STXBP4: variants seen among roughly 807,000 people sequenced by gnomAD.
STXBP4 encodes syntaxin-binding protein 4.
STXBP4 carries 55 observed loss-of-function variants against 76.1 expected under a neutral mutation model. The observed-to-expected ratio is 0.72, with a 90% CI of 0.58 to 0.91. The LOEUF (loss-of-function observed/expected upper bound fraction) is 0.91, where lower values mean the gene tolerates loss of function less well. STXBP4 is among the 40% of genes least tolerant of loss of function. The pLI, the probability that STXBP4 is intolerant of heterozygous loss-of-function variation, is 0.00. For missense variants in STXBP4, 618 were observed against 636.9 expected, an observed-to-expected ratio of 0.97 and a Z score of 0.32; for synonymous variants, 201 against 220.2, an observed-to-expected ratio of 0.91 and a Z score of 0.77.
rs1410978760 is a variant in STXBP4, at chr17:55,000,944, T to C, written c.574+61T>C. Reference sequence around the variant, plus strand: ...ATTTCAATTCTCTCTCAATGAGGAGTGTGTAATGTGACTTAAGACTTTGAA... The same window carrying C: ...ATTTCAATTCTCTCTCAATGAGGAGCGTGTAATGTGACTTAAGACTTTGAA... On this transcript the variant is annotated intron_variant, in intron 7 of 17. Coordinates refer to ENST00000376352, the MANE Select transcript of STXBP4 (RefSeq NM_178509.6). The C allele has an allele frequency of 7.9e-6, 9 of 1,140,132 alleles. No individual in the cohort carries two copies. In the Admixed American group the frequency reaches 1.6e-4, roughly 20 times the overall value. The allele number at this position is 1,140,132 out of a possible 1,614,324, so 70.6% of individuals were successfully genotyped here.
intron 12 of STXBP4, among the ~76,000 whole-genome samples, chr17:55,058,690 T>C (rs892043286): frequency 6.6e-6 from 1 of 152,174 alleles, no homozygotes; most frequent in South Asian, 2.1e-4. Context: ...GTTCTTATAG[T>C]CGATGGGCAT....
intron 16 of STXBP4, among the ~76,000 whole-genome samples, chr17:55,105,638 A>T (rs1210004159): frequency 1.1e-4 from 16 of 141,446 alleles, no homozygotes; most frequent in South Asian, 4.5e-4. Context: ...CCCAGCTAAT[A>T]TTTTTTTTTT....
chr17:55,124,881 C>G (rs547663970), intron 16 of STXBP4, among the ~76,000 whole-genome samples: 72 of 152,292 alleles, frequency 4.7e-4, no homozygotes, highest in Admixed American at 1.8e-3. Flanking sequence ...CATGACCCTT[C>G]TTTGTACATG....
chr17:55,018,007 G>A (rs1327240032), intron 8 of STXBP4, among the ~76,000 whole-genome samples: 10 of 152,226 alleles, frequency 6.6e-5, no homozygotes, highest in African/African-American at 2.2e-4. Context: ...GTTACTGGGG[G>A]TCCTTGCTCC....
the STXBP4 span, among the ~76,000 whole-genome samples, chr17:55,178,912 A>G: frequency 6.6e-6 from 1 of 152,214 alleles, no homozygotes; most frequent in Admixed American, 6.5e-5. Context: ...TATCCATTCA[A>G]ATATTAATCT....
At chr17:55,024,956 T>G (rs2078385089) in intron 8 of STXBP4, among the ~76,000 whole-genome samples, 1 of 151,560 alleles carries the variant, frequency 6.6e-6, no homozygotes, top group South Asian at 2.1e-4. Context: ...GCTAACACAG[T>G]GAAACCCCAT....
At chr17:55,020,881 G>T (rs1429746863) in intron 8 of STXBP4, among the ~76,000 whole-genome samples, 1 of 152,010 alleles carries the variant, frequency 6.6e-6, no homozygotes, top group Non-Finnish European at 1.5e-5. Flanking sequence ...TTTTATCTTT[G>T]CGAATTTTGA....
the STXBP4 span, among the ~76,000 whole-genome samples, chr17:55,199,736 A>G: frequency 6.6e-6 from 1 of 152,188 alleles, no homozygotes; most frequent in African/African-American, 2.4e-5. Context: ...CCCAAGATGA[A>G]ATTTTTGTTC....
At chr17:54,968,876 T>G (rs1033216986) in intron 1 of STXBP4, 61 bp downstream of exon 1, 1 of 508,748 alleles carries the variant, frequency 2.0e-6, no homozygotes, top group African/African-American at 1.9e-5. Flanking sequence ...AGAACGTCTC[T>G]TAACATTTAG....
downstream of STXBP4, among the ~76,000 whole-genome samples, chr17:55,177,410 G>C (rs1402381695): frequency 6.6e-6 from 1 of 152,162 alleles, no homozygotes; most frequent in Non-Finnish European, 1.5e-5. Flanking sequence ...ATTATTGCAA[G>C]CAGTGAAGGG....
chr17:55,117,205 G>A (rs2079790808), intron 16 of STXBP4, among the ~76,000 whole-genome samples: 1 of 151,726 alleles, frequency 6.6e-6, no homozygotes, highest in Admixed American at 6.6e-5. Flanking sequence ...TCTCTTAGAA[G>A]AGTCTTTCCT....
chr17:55,212,069 C>G, the STXBP4 span, among the ~76,000 whole-genome samples: 1 of 151,912 alleles, frequency 6.6e-6, no homozygotes, highest in South Asian at 2.1e-4. Flanking sequence ...ATCCACCCGC[C>G]TCAGCCTCCC....
intron 16 of STXBP4, among the ~76,000 whole-genome samples, chr17:55,086,601 T>A (rs551953719): frequency 2.6e-5 from 4 of 152,272 alleles, no homozygotes; most frequent in African/African-American, 9.6e-5. Flanking sequence ...TTTACTTCCG[T>A]GAGATCAACT....
downstream of STXBP4, among the ~76,000 whole-genome samples, chr17:55,176,326 A>G (rs375435102): frequency 3.9e-5 from 6 of 152,204 alleles, no homozygotes; most frequent in African/African-American, 1.4e-4. Flanking sequence ...AGAAATGTAA[A>G]TGATTCGTAG....
At chr17:55,194,093 C>T in the STXBP4 span, among the ~76,000 whole-genome samples, 1 of 151,994 alleles carries the variant, frequency 6.6e-6, no homozygotes, top group Non-Finnish European at 1.5e-5. Flanking sequence ...ACACATATGC[C>T]TGCATTCAAT....
chr17:55,086,938 T>C (rs1391446189), intron 16 of STXBP4, among the ~76,000 whole-genome samples: 2 of 152,168 alleles, frequency 1.3e-5, no homozygotes, highest in Non-Finnish European at 2.9e-5. Flanking sequence ...CTTTCTGTGT[T>C]TTTGATAATA....
chr17:55,078,656 T>C (rs376052739), intron 14 of STXBP4, 30 bp from the exon 15 acceptor site: 146 of 1,392,994 alleles, frequency 1.0e-4, no homozygotes, highest in Non-Finnish European at 1.4e-4. Flanking sequence ...CAAACTGATA[T>C]ATCTCCTTCA....
At chr17:55,114,490 G>C (rs2079759418) in intron 16 of STXBP4, among the ~76,000 whole-genome samples, 5 of 152,052 alleles carry the variant, frequency 3.3e-5, no homozygotes, top group Admixed American at 3.3e-4. Flanking sequence ...GCTGTTAACA[G>C]TAATATGTCC....
At chr17:54,989,333 G>A (rs2077678841) in intron 3 of STXBP4, among the ~76,000 whole-genome samples, 1 of 152,122 alleles carries the variant, frequency 6.6e-6, no homozygotes, top group Non-Finnish European at 1.5e-5. Context: ...CTGACCTCGT[G>A]ATCCGCCCGC....
Sources: allele counts gnomAD v4.1 joint callset (sites outside exome capture counted in the v4.1 genomes callset), GRCh38; gene constraint gnomAD v4.1.1; transcripts MANE v1.5; gene names NCBI Gene and HGNC (gene_info 2026-07-23, HGNC 2026-07-21).